CSMD1: variants seen among roughly 807,000 people sequenced by gnomAD.
CSMD1 encodes CUB and Sushi multiple domains 1.
CSMD1 carries 213 observed loss-of-function variants against 417.5 expected under a neutral mutation model. The ratio of observed to expected loss-of-function variants is 0.51; its 90% CI spans 0.46 to 0.57. CSMD1 has a LOEUF of 0.57. Ranked by LOEUF, CSMD1 falls within the 20% of genes least tolerant of loss-of-function variation. The pLI is 0.00. For missense variants in CSMD1, 6,923 were observed against 4,529.7 expected, an observed-to-expected ratio of 1.53 and a Z score of -15.17; for synonymous variants, 2,862 against 1,736.8, an observed-to-expected ratio of 1.65 and a Z score of -16.11.
At chr8:4,537,824 G>A (rs533483170) in intron 2 of CSMD1, among the ~76,000 whole-genome samples, 24 of 152,262 alleles carry the variant, frequency 1.6e-4, no homozygotes, top group South Asian at 6.2e-4. Context: ...ACAGAGCTGC[G>A]TAAGATCCAG....
intron 7 of CSMD1, among the ~76,000 whole-genome samples, chr8:3,618,415 C>T (rs1273739816): frequency 6.6e-6 from 1 of 152,108 alleles, no homozygotes; most frequent in Non-Finnish European, 1.5e-5. Context: ...AAGTACTTCA[C>T]TATTCCAAAC....
At chr8:4,915,136 G>C (rs1183473603) in intron 1 of CSMD1, among the ~76,000 whole-genome samples, 4 of 152,020 alleles carry the variant, frequency 2.6e-5, no homozygotes, top group African/African-American at 9.7e-5. Flanking sequence ...GCCGAACGAA[G>C]AAAATGGAAT....
chr8:4,313,156 T>C (rs958570356), intron 3 of CSMD1, among the ~76,000 whole-genome samples: 2 of 152,180 alleles, frequency 1.3e-5, no homozygotes, highest in Non-Finnish European at 2.9e-5. Flanking sequence ...GAACTGGTCT[T>C]TAATTTCTAA....
At chr8:4,345,150 A>G (rs921505633) in intron 3 of CSMD1, among the ~76,000 whole-genome samples, 4 of 152,172 alleles carry the variant, frequency 2.6e-5, no homozygotes, top group Non-Finnish European at 4.4e-5. Flanking sequence ...CAAGAAGCAG[A>G]AAACAGTGGA....
At chr8:3,533,967 C>T (rs1416457912) in intron 10 of CSMD1, among the ~76,000 whole-genome samples, 1 of 152,144 alleles carries the variant, frequency 6.6e-6, no homozygotes, top group Non-Finnish European at 1.5e-5. Flanking sequence ...GCACATGAAA[C>T]AAAATTTTGT....
Position 4,657,567 on chromosome 8 carries a change from T to G in CSMD1, c.86-20009A>C, listed in dbSNP as rs186520393. 7.2e-4 allele frequency among the ~76,000 whole-genome samples: 109 copies of G among 152,236 alleles called. 1 individual carries two copies. Among genetic ancestry groups the G allele is most frequent in the Admixed American group, 2.2e-3 (34 of 15,300 alleles). On this transcript the variant is annotated intron_variant, in intron 1 of 69. Coordinates refer to ENST00000635120, the MANE Select transcript of CSMD1 (RefSeq NM_033225.6). ...CTTATAAAAATTGTTTTTAAAAGTA[T>G]TTAATTCAATAACTACAGCAATAAA...
At chr8:3,897,412 A>G (rs796476592) in intron 5 of CSMD1, among the ~76,000 whole-genome samples, 8 of 152,306 alleles carry the variant, frequency 5.3e-5, no homozygotes, top group African/African-American at 1.9e-4. Context: ...AATGTTTCTC[A>G]AAGACCTGTT....
intron 49 of CSMD1, among the ~76,000 whole-genome samples, chr8:3,085,165 T>C (rs1814433018): frequency 6.6e-6 from 1 of 152,166 alleles, no homozygotes; most frequent in South Asian, 2.1e-4. Flanking sequence ...ATCAACATTT[T>C]TATGATTATG....
intron 5 of CSMD1, among the ~76,000 whole-genome samples, chr8:3,839,501 T>TTATATATTTATATATTA (rs1802971327): frequency 1.6e-5 from 1 of 60,962 alleles, no homozygotes; most frequent in East Asian, 7.6e-4. Context: ...TATATTAATA[T>TTATATATTTATATATTA]ATATATTTAT....
At chr8:3,697,373 T>A (rs1413581115) in intron 7 of CSMD1, among the ~76,000 whole-genome samples, 1 of 152,246 alleles carries the variant, frequency 6.6e-6, no homozygotes, top group Non-Finnish European at 1.5e-5. Context: ...TTTTTCTGAA[T>A]TCCCTTTGAT....
intron 2 of CSMD1, among the ~76,000 whole-genome samples, chr8:4,540,929 C>A (rs1389663477): frequency 1.3e-5 from 2 of 152,178 alleles, no homozygotes; most frequent in African/African-American, 2.4e-5. Context: ...GTAGACTAAA[C>A]TGAACAGCTA....
chr8:4,231,002 C>A (rs373027414), intron 3 of CSMD1, among the ~76,000 whole-genome samples: 2 of 152,096 alleles, frequency 1.3e-5, no homozygotes, highest in South Asian at 2.1e-4. Flanking sequence ...TTTGTTTCAT[C>A]ACACACACAT....
intron 2 of CSMD1, among the ~76,000 whole-genome samples, chr8:4,626,758 C>A (rs1413586478): frequency 6.6e-6 from 1 of 152,058 alleles, no homozygotes; most frequent in African/African-American, 2.4e-5. Flanking sequence ...TATATGAAGG[C>A]TTTATTCACT....
At chr8:3,304,885 G>A (rs1351763544) in intron 25 of CSMD1, among the ~76,000 whole-genome samples, 1 of 152,052 alleles carries the variant, frequency 6.6e-6, no homozygotes, top group African/African-American at 2.4e-5. Context: ...AAACAAAAAT[G>A]TGAAATTCTT....
chr8:3,653,284 T>C lies in CSMD1; in HGVS notation c.1010-36487A>G, dbSNP rs78009346. On this transcript the variant is annotated intron_variant, in intron 7 of 69. Transcript: ENST00000635120. ...AAGTTAGGGATGGCTGGAAAAAAAT[T>C]AAAGAAAACTAAAGTTATGGGGGTT... Among the ~76,000 whole-genome samples the C allele has an allele frequency of 8.9e-3, 1,357 of 152,252 alleles. 65 individuals are homozygous for C. The East Asian group carries it at 0.15, about 17-fold the overall frequency.
intron 3 of CSMD1, among the ~76,000 whole-genome samples, chr8:4,084,455 G>A (rs114961996): frequency 0.017 from 2,522 of 151,936 alleles, 80 homozygotes; most frequent in African/African-American, 0.058. Context: ...TGATTTTGTT[G>A]TAATTGCTAA....
chr8:4,313,472 C>T (rs1410985139), intron 3 of CSMD1, among the ~76,000 whole-genome samples: 1 of 148,732 alleles, frequency 6.7e-6, no homozygotes, highest in African/African-American at 2.5e-5. Flanking sequence ...AATGCAGGAA[C>T]CCGAAGAGCT....
chr8:4,909,952 T>C (rs1409999605), intron 1 of CSMD1, among the ~76,000 whole-genome samples: 2 of 152,210 alleles, frequency 1.3e-5, no homozygotes, highest in African/African-American at 4.8e-5. Context: ...AACTGAAGTC[T>C]TGTGGATGAT....
chr8:4,021,956 G>A (rs958617026), intron 4 of CSMD1, among the ~76,000 whole-genome samples: 1 of 151,764 alleles, frequency 6.6e-6, no homozygotes, highest in Admixed American at 6.6e-5. Context: ...TTTTCAACTA[G>A]CTTCAGTCAA....
Sources: gnomAD v4.1 joint callset for allele counts (sites outside exome capture counted in the v4.1 genomes callset) on GRCh38, gnomAD v4.1.1 for gene constraint, MANE v1.5 for transcripts, NCBI Gene and HGNC (gene_info 2026-07-23, HGNC 2026-07-21) for gene names.